The following AGTPBP1 variants were observed in gnomAD, a reference collection of about 807,000 sequenced individuals.
The protein encoded by AGTPBP1 is cytosolic carboxypeptidase 1.
A neutral mutation model predicts 143.9 loss-of-function variants in AGTPBP1; 70 were observed. That is an observed-to-expected ratio of 0.49 (90% CI 0.40 to 0.59). AGTPBP1 has a LOEUF of 0.59. Among genes scored for constraint, AGTPBP1 ranks in the 20% least tolerant of loss-of-function variants. The probability of loss-of-function intolerance (pLI) is 0.00; values close to 1 mark genes in which losing one functional copy is unlikely to be tolerated. For missense variants in AGTPBP1, 1,229 were observed against 1,464.5 expected (o/e 0.84, Z 2.62); for synonymous variants, 463 against 500.2 (o/e 0.93, Z 0.99).
chr9:85,693,492 G>A (rs1033408724), intron 2 of AGTPBP1, among the ~76,000 whole-genome samples: 5 of 152,154 alleles, frequency 3.3e-5, no homozygotes, highest in African/African-American at 1.2e-4. Flanking sequence ...CAGCTACTTG[G>A]GAGGCTGAGA....
chr9:85,552,912 A>T (rs1826115989), intron 25 of AGTPBP1, among the ~76,000 whole-genome samples: 1 of 152,228 alleles, frequency 6.6e-6, no homozygotes. Flanking sequence ...CCATTGCCTA[A>T]ATTATTGGCA....
At chr9:85,648,085 T>C (rs1378017938) in intron 11 of AGTPBP1, among the ~76,000 whole-genome samples, 2 of 152,236 alleles carry the variant, frequency 1.3e-5, no homozygotes, top group African/African-American at 2.4e-5. Context: ...ACAGAATACC[T>C]GAATTCAAAT....
chr9:85,674,962 T>C (rs972309825), intron 6 of AGTPBP1, among the ~76,000 whole-genome samples: 1 of 152,116 alleles, frequency 6.6e-6, no homozygotes, highest in Non-Finnish European at 1.5e-5. Context: ...AGTGGTACGA[T>C]CTCGGCTCAC....
chr9:85,798,777 A>G, the AGTPBP1 span, among the ~76,000 whole-genome samples: 18 of 152,248 alleles, frequency 1.2e-4, no homozygotes, highest in East Asian at 3.5e-3. Flanking sequence ...ATGAGGTGAT[A>G]TCTGGGCATC....
At chr9:85,721,505 T>G (rs967949410) in intron 1 of AGTPBP1, among the ~76,000 whole-genome samples, 11 of 150,210 alleles carry the variant, frequency 7.3e-5, no homozygotes, top group Admixed American at 6.6e-4. Flanking sequence ...TTTTTTTTTT[T>G]TTCTTTCCAT....
the AGTPBP1 span, among the ~76,000 whole-genome samples, chr9:85,763,361 C>G: frequency 6.6e-6 from 1 of 151,898 alleles, no homozygotes; most frequent in Admixed American, 6.6e-5. Flanking sequence ...CAGTGTGGAG[C>G]AGGAGGATGG....
chr9:85,638,653 AT>A (rs1389248014), intron 13 of AGTPBP1, among the ~76,000 whole-genome samples: 2 of 151,976 alleles, frequency 1.3e-5, no homozygotes, highest in Non-Finnish European at 2.9e-5. Context: ...GTATATTAAT[AT>A]TTTTTAAAGT....
chr9:85,562,771 T>C (rs1587631018), intron 25 of AGTPBP1, among the ~76,000 whole-genome samples: 3 of 152,206 alleles, frequency 2.0e-5, no homozygotes, highest in Non-Finnish European at 4.4e-5. Context: ...TGGTTCACAG[T>C]ATTGTAAAGA....
the AGTPBP1 span, among the ~76,000 whole-genome samples, chr9:85,796,752 TAA>T: frequency 6.6e-6 from 1 of 152,224 alleles, no homozygotes; most frequent in Admixed American, 6.5e-5. Context: ...ATATACCCCA[TAA>T]ATATATACAT....
At chr9:85,675,958 G>T (rs1399622348) in intron 6 of AGTPBP1, among the ~76,000 whole-genome samples, 1 of 152,186 alleles carries the variant, frequency 6.6e-6, no homozygotes, top group Non-Finnish European at 1.5e-5. Flanking sequence ...CCAGGAGGCA[G>T]AGGTTGCAGT....
At chr9:85,666,895 T>A (rs558172075) in intron 8 of AGTPBP1, among the ~76,000 whole-genome samples, 1 of 152,118 alleles carries the variant, frequency 6.6e-6, no homozygotes, top group African/African-American at 2.4e-5. Flanking sequence ...CACTACTACA[T>A]TGCTTATCTA....
In AGTPBP1 at chr9:85,575,433, T is replaced by C. The variant is rs60986482; in HGVS notation, c.3385A>G (p.Lys1129Glu). The C allele has an allele frequency of 3.0e-4, 478 of 1,608,778 alleles. No individual in the cohort carries two copies. In the African/African-American group the frequency reaches 5.9e-3, roughly 20 times the overall value. ...AAACGTAAAAGACCAACACAAAATT[T>C]TGCTCCCATCTCTTCCAGTTCTCGG... ...GTRELEEMGA[K>E]FCVGLLRLKR... Residue 1129 changes from lysine (K) to glutamate (E), a missense_variant, in exon 25 of 26, where the codon AAA becomes GAA. Coordinates refer to ENST00000357081, the MANE Select transcript of AGTPBP1 (RefSeq NM_001330701.2).
chr9:85,637,782 T>C (rs774640837), intron 13 of AGTPBP1, among the ~76,000 whole-genome samples: 1 of 152,234 alleles, frequency 6.6e-6, no homozygotes, highest in East Asian at 1.9e-4. Context: ...AAACTTACTG[T>C]ATGCAAATTT....
intron 7 of AGTPBP1, among the ~76,000 whole-genome samples, chr9:85,671,949 C>T (rs1486399649): frequency 6.6e-6 from 1 of 152,158 alleles, no homozygotes; most frequent in East Asian, 1.9e-4. Flanking sequence ...GGAGTTTTTC[C>T]AGCTACCAAT....
chr9:85,694,298 C>A (rs1322975917), intron 2 of AGTPBP1, among the ~76,000 whole-genome samples: 2 of 151,700 alleles, frequency 1.3e-5, no homozygotes, highest in Non-Finnish European at 2.9e-5. Context: ...TTCTCTGATC[C>A]CTCATCTATC....
chr9:85,581,381 A>G (rs1828248818), intron 23 of AGTPBP1, among the ~76,000 whole-genome samples: 1 of 152,222 alleles, frequency 6.6e-6, no homozygotes, highest in Non-Finnish European at 1.5e-5. Flanking sequence ...TTTGTACAGT[A>G]GCAATGATAA....
intron 1 of AGTPBP1, among the ~76,000 whole-genome samples, chr9:85,723,004 C>T (rs955923541): frequency 1.3e-5 from 2 of 152,196 alleles, no homozygotes; most frequent in Non-Finnish European, 2.9e-5. Context: ...CCAGCAGAGG[C>T]TGCAGAACAG....
At chr9:85,553,529 T>TA (rs1026372909) in intron 25 of AGTPBP1, among the ~76,000 whole-genome samples, 2 of 152,270 alleles carry the variant, frequency 1.3e-5, no homozygotes, top group South Asian at 2.1e-4. Context: ...GCTTCTAACT[T>TA]ACGGTATTTT....
At chr9:85,772,367 G>A in the AGTPBP1 span, among the ~76,000 whole-genome samples, 1 of 151,924 alleles carries the variant, frequency 6.6e-6, no homozygotes, top group Admixed American at 6.6e-5. Context: ...TTCTGGAGAG[G>A]TCATTAGATT....
Sources: gnomAD v4.1 joint callset for allele counts (sites outside exome capture counted in the v4.1 genomes callset) on GRCh38, gnomAD v4.1.1 for gene constraint, MANE v1.5 for transcripts, NCBI Gene and HGNC (gene_info 2026-07-23, HGNC 2026-07-21) for gene names.